Variants in CACNA1I observed in about 807,000 individuals in gnomAD.
CACNA1I encodes calcium voltage-gated channel subunit alpha1 I.
A neutral mutation model predicts 201.6 loss-of-function variants in CACNA1I; 74 were observed. That is an observed-to-expected ratio of 0.37 (90% CI 0.30 to 0.45). CACNA1I has a LOEUF of 0.45. Among genes scored for constraint, CACNA1I ranks in the 20% least tolerant of loss-of-function variants. CACNA1I has a pLI of 1.00. For missense variants in CACNA1I, 2,346 were observed against 3,138.1 expected, an observed-to-expected ratio of 0.75 and a Z score of 6.03; for synonymous variants, 1,431 against 1,345.2, an observed-to-expected ratio of 1.06 and a Z score of -1.40.
chr22:39,617,081 C>T (rs576697507), intron 3 of CACNA1I, among the ~76,000 whole-genome samples: 100 of 152,292 alleles, frequency 6.6e-4, no homozygotes, highest in African/African-American at 1.6e-3. Flanking sequence ...ATAATGGGCC[C>T]GCGCTCAAAT....
chr22:39,679,269 G>A lies in CACNA1I; in HGVS notation c.5218G>A (p.Ala1740Thr), dbSNP rs1232635100. Residue 1740 changes from alanine to threonine, a missense_variant, in exon 32 of 37, where the codon GCG becomes ACG. Physicochemically the swap from Ala to Thr is moderately conservative, Grantham distance 58. Transcript: ENST00000402142. ...GCACCTGGACGACAGCAACAAGGAG[G>A]CGCAGGAGGACGCCGAGATGGATGC... ...MKHLDDSNKEAQEDAEMDAEL... is the reference protein window; with the variant it reads ...MKHLDDSNKETQEDAEMDAEL... 2 of 1,584,260 alleles carry A rather than the reference G, an allele frequency of 1.3e-6. No homozygotes were observed. The highest frequency in any genetic ancestry group is 1.8e-5 in the Admixed American group (1 of 55,604).
chr22:39,576,582 C>T (rs1009972796), intron 1 of CACNA1I, among the ~76,000 whole-genome samples: 6 of 152,238 alleles, frequency 3.9e-5, no homozygotes, highest in Non-Finnish European at 8.8e-5. Flanking sequence ...GGCGCTTCTG[C>T]TGTGGTGGGA....
At chr22:39,660,609 G>T (rs1934977058) in intron 15 of CACNA1I, among the ~76,000 whole-genome samples, 172 bp downstream of exon 15, 1 of 152,186 alleles carries the variant, frequency 6.6e-6, no homozygotes, top group Non-Finnish European at 1.5e-5. Context: ...CTCAAAAAGA[G>T]GTCAGTGACA....
In CACNA1I at chr22:39,686,164, C is replaced by A; in HGVS notation, c.6431C>A (p.Ala2144Asp). The A allele has an allele frequency of 3.1e-6, 4 of 1,287,954 alleles. No homozygotes were observed. The South Asian group carries it at 7.3e-5, about 23-fold the overall frequency. The allele number at this position is 1,287,954 out of a possible 1,614,324, so 79.8% of individuals were successfully genotyped here. A position where few individuals can be genotyped will look rare whatever the true frequency, so the allele number is the denominator to read the frequency against. The change falls in exon 37 of 37, where the codon GCC (alanine) becomes GAC (aspartate). Residue 2144 changes from alanine to aspartate, a missense_variant. Around this residue, in one of 13 missense-constraint regions of CACNA1I, gnomAD observed 187 missense variants for 151.0 expected, o/e 1.24. Coordinates refer to ENST00000402142, the MANE Select transcript of CACNA1I (RefSeq NM_021096.4). ...SLFCPPPPPPAPGLTPARKFS... is the reference protein window; with the variant it reads ...SLFCPPPPPPDPGLTPARKFS... ...TTCTGCCCGCCGCCCCCGCCGCCAG[C>A]CCCCGGCCTCACGCCCGCCAGGAAG...
At chr22:39,657,853 G>A (rs535583874) in intron 10 of CACNA1I, among the ~76,000 whole-genome samples, 30 of 152,296 alleles carry the variant, frequency 2.0e-4, no homozygotes, top group Middle Eastern at 3.4e-3. Context: ...TTCCTCATCC[G>A]TAAAATGCGT....
chr22:39,586,995 C>A (rs1391384624), intron 1 of CACNA1I, among the ~76,000 whole-genome samples: 1 of 152,174 alleles, frequency 6.6e-6, no homozygotes, highest in East Asian at 1.9e-4. Flanking sequence ...CCCCCAGGGA[C>A]CTGCCTGGCC....
At chr22:39,622,797 C>G (rs1211268074) in intron 4 of CACNA1I, among the ~76,000 whole-genome samples, 1 of 151,862 alleles carries the variant, frequency 6.6e-6, no homozygotes, top group African/African-American at 2.4e-5. Context: ...GGAGGGACCT[C>G]AGCTCTCAGG....
chr22:39,631,083 C>T (rs1025325791), intron 4 of CACNA1I, among the ~76,000 whole-genome samples: 2 of 152,192 alleles, frequency 1.3e-5, no homozygotes, highest in Non-Finnish European at 2.9e-5. Context: ...CTGTTGGAGG[C>T]TTCTGACTTC....
At chr22:39,591,507 C>G (rs774606245) in intron 1 of CACNA1I, among the ~76,000 whole-genome samples, 3 of 152,194 alleles carry the variant, frequency 2.0e-5, no homozygotes, top group Non-Finnish European at 4.4e-5. Context: ...ATTCAGTATG[C>G]TGCAGGACAG....
chr22:39,658,640 T>A (rs1287937662), intron 11 of CACNA1I, among the ~76,000 whole-genome samples: 1 of 152,180 alleles, frequency 6.6e-6, no homozygotes, highest in African/African-American at 2.4e-5. Flanking sequence ...GGCTTCCTGT[T>A]TACATTCATA....
At chr22:39,619,960 C>A (rs542760181) in intron 4 of CACNA1I, among the ~76,000 whole-genome samples, 1 of 150,704 alleles carries the variant, frequency 6.6e-6, no homozygotes. Flanking sequence ...TCCGTCCGTC[C>A]GTCCATCCAT....
chr22:39,665,444 T>A lies in CACNA1I; in HGVS notation c.3852-54T>A. ...TGGTGACTCTGGGCTGAGTAGGGGCTGCCTCCTGGCCTGGCCAAGGGATTA... is the reference window on the plus strand; with the variant it reads ...TGGTGACTCTGGGCTGAGTAGGGGCAGCCTCCTGGCCTGGCCAAGGGATTA... On this transcript the variant is annotated intron_variant, in intron 21 of 36. Coordinates refer to ENST00000402142, the MANE Select transcript of CACNA1I (RefSeq NM_021096.4). This position sits in a 1 kb window ranked among gnomAD's most constrained non-coding sequence, Gnocchi z 5.5. 1 of 1,603,590 alleles carries A rather than the reference T, an allele frequency of 6.2e-7. No homozygotes were observed. The highest frequency in any genetic ancestry group is 8.5e-7 in the Non-Finnish European group (1 of 1,174,658).
At chr22:39,675,409 T>A (rs2146471265) in intron 29 of CACNA1I, among the ~76,000 whole-genome samples, 1 of 152,254 alleles carries the variant, frequency 6.6e-6, no homozygotes, top group South Asian at 2.1e-4. Context: ...CCTGGGCGGT[T>A]CTATCATGAC....
chr22:39,660,500 A>C, intron 15 of CACNA1I, 63 bp downstream of exon 15: 1 of 1,183,790 alleles, frequency 8.4e-7, no homozygotes, highest in Non-Finnish European at 1.2e-6. Flanking sequence ...CCAGGTGGGC[A>C]GAGGGTACAG....
chr22:39,641,415 C>T (rs1257334203), intron 6 of CACNA1I, among the ~76,000 whole-genome samples: 1 of 152,248 alleles, frequency 6.6e-6, no homozygotes, highest in Non-Finnish European at 1.5e-5. Context: ...AAAATAGGCT[C>T]TTAACCCAGC....
Position 39,684,419 on chromosome 22 carries a change from G to C in CACNA1I, c.5948G>C (p.Gly1983Ala), listed in dbSNP as rs1257165716. 6.2e-7 allele frequency: 1 copy of C among 1,613,504 alleles called. No homozygotes were observed. The highest frequency in any genetic ancestry group is 8.5e-7 in the Non-Finnish European group (1 of 1,179,894). ...QKGPEKGTGT[G>A]TLPKIALQGS... ...GGCCCAGAAAAGGGCACTGGCACTG[G>C]AACCCTCCCCAAGATTGCGCTGCAG... Residue 1983 changes from glycine to alanine, a missense_variant, in exon 36 of 37, where the codon GGA (glycine) becomes GCA (alanine). By Grantham distance (60) the Gly-to-Ala change is moderately conservative (BLOSUM62 0). Transcript: ENST00000402142. This position sits in a 1 kb window ranked among gnomAD's most constrained non-coding sequence, Gnocchi z 4.6.
chr22:39,588,887 C>A (rs1168347928), intron 1 of CACNA1I, among the ~76,000 whole-genome samples: 1 of 152,200 alleles, frequency 6.6e-6, no homozygotes, highest in Non-Finnish European at 1.5e-5. Context: ...TGCTCTGCTG[C>A]GTCTGGCTTC....
At position 39,665,807 on chromosome 22, in the gene CACNA1I, C is replaced by G. The variant is rs960414077; in HGVS notation, c.3979-74C>G. The stretch of plus-strand genomic sequence containing the variant: ...GAGCACAAGACAGTCTGAGTAAACG[C>G]GATCGAGAGGCGAGTTCCTCTCTGA... On this transcript the variant is annotated intron_variant, in intron 22 of 36. Coordinates refer to ENST00000402142, the MANE Select transcript of CACNA1I (RefSeq NM_021096.4). This position sits in a 1 kb window ranked among gnomAD's most constrained non-coding sequence, Gnocchi z 5.5. 1.3e-6 allele frequency: 2 copies of G among 1,596,178 alleles called. No homozygotes were observed. Among genetic ancestry groups the G allele is most frequent in the Non-Finnish European group, 1.7e-6 (2 of 1,166,078 alleles).
At chr22:39,599,097 C>T (rs553168455) in intron 2 of CACNA1I, among the ~76,000 whole-genome samples, 1 of 150,766 alleles carries the variant, frequency 6.6e-6, no homozygotes, top group South Asian at 2.1e-4. Context: ...TACAGGCGCC[C>T]GCCACCACGC....
Sources: allele counts gnomAD v4.1 joint callset (sites outside exome capture counted in the v4.1 genomes callset), GRCh38; gene constraint gnomAD v4.1.1; regional missense constraint gnomAD v4.1.1; non-coding constraint Gnocchi (gnomAD v3.1); transcripts MANE v1.5; gene names NCBI Gene and HGNC (gene_info 2026-07-23, HGNC 2026-07-21).